The following SLC35D1 variants were observed in gnomAD, a reference collection of about 807,000 sequenced individuals.
SLC35D1 encodes solute carrier family 35 member D1.
A neutral mutation model predicts 46.7 loss-of-function variants in SLC35D1; 31 were observed. The ratio of observed to expected loss-of-function variants is 0.66; its 90% confidence interval spans 0.50 to 0.90. SLC35D1 has a LOEUF of 0.90. SLC35D1 is among the 40% of genes least tolerant of loss of function. The probability of loss-of-function intolerance (pLI) is 0.00; values close to 1 mark genes in which losing one functional copy is unlikely to be tolerated. For missense variants in SLC35D1, 397 were observed against 426.2 expected (o/e 0.93, Z 0.60); for synonymous variants, 195 against 164.6 (o/e 1.18, Z -1.41).
the SLC35D1 span, among the ~76,000 whole-genome samples, chr1:66,989,314 A>G: frequency 2.6e-5 from 4 of 152,360 alleles, no homozygotes; most frequent in East Asian, 1.9e-4. Context: ...CGTTGTTAAC[A>G]TGAATGGTTG....
At chr1:66,983,929 T>C in the SLC35D1 span, among the ~76,000 whole-genome samples, 1 of 152,230 alleles carries the variant, frequency 6.6e-6, no homozygotes, top group African/African-American at 2.4e-5. Context: ...TTTCACCCTA[T>C]TGGCCAGGCT....
chr1:67,007,250 G>A lies in SLC35D1; in HGVS notation c.959+1835C>T, dbSNP rs112347150. Reference sequence around the variant, plus strand: ...TTATTTCTCACAGTCCTAGAGGCTGGGGAGTCTAAGATCAAGGCAGGTTCA... The same window carrying A: ...TTATTTCTCACAGTCCTAGAGGCTGAGGAGTCTAAGATCAAGGCAGGTTCA... On this transcript the variant is annotated intron_variant, in intron 11 of 11. Transcript: ENST00000235345. 3.2e-3 allele frequency among the ~76,000 whole-genome samples: 490 copies of A among 152,290 alleles called. 6 individuals carry two copies. The highest frequency in any genetic ancestry group is 0.011 in the African/African-American group (464 of 41,528).
At chr1:66,986,219 G>T in the SLC35D1 span, 1 of 1,261,848 alleles carries the variant, frequency 7.9e-7, no homozygotes, top group Non-Finnish European at 1.0e-6. Context: ...GTGAAAATAA[G>T]ATACACAATA....
At chr1:67,016,281 TG>T (rs1667683972) in intron 10 of SLC35D1, among the ~76,000 whole-genome samples, 1 of 152,178 alleles carries the variant, frequency 6.6e-6, no homozygotes, top group African/African-American at 2.4e-5. Flanking sequence ...CTAAGACTTT[TG>T]TTTTCCATTG....
chr1:66,978,612 G>A, the SLC35D1 span, among the ~76,000 whole-genome samples: 1 of 152,054 alleles, frequency 6.6e-6, no homozygotes, highest in African/African-American at 2.4e-5. Flanking sequence ...GATTTTCAAG[G>A]TATTATATAG....
At chr1:67,031,986 A>G in intron 8 of SLC35D1, 2 of 848,628 alleles carry the variant, frequency 2.4e-6, no homozygotes, top group South Asian at 5.4e-5. Flanking sequence ...TTCTAGAGAA[A>G]GCTCTGATAA....
chr1:66,997,538 AACCCCTT>A (rs1667253491), downstream of SLC35D1, among the ~76,000 whole-genome samples: 2 of 135,306 alleles, frequency 1.5e-5, no homozygotes, highest in African/African-American at 5.3e-5. Flanking sequence ...ATATATATAT[AACCCCTT>A]TAGATATAGA....
intron 7 of SLC35D1, among the ~76,000 whole-genome samples, chr1:67,044,138 C>A (rs556865848): frequency 7.9e-5 from 12 of 152,160 alleles, no homozygotes; most frequent in Admixed American, 7.8e-4. Context: ...GAATTTGAGA[C>A]CAGCCTGGCC....
At chr1:66,984,856 G>A in the SLC35D1 span, 9 of 1,604,632 alleles carry the variant, frequency 5.6e-6, no homozygotes, top group African/African-American at 1.1e-4. Context: ...CCAAGAAGCA[G>A]TCTCACATGG....
intron 8 of SLC35D1, among the ~76,000 whole-genome samples, chr1:67,027,643 G>A (rs1320837890): frequency 6.6e-6 from 1 of 151,866 alleles, no homozygotes; most frequent in Non-Finnish European, 1.5e-5. Flanking sequence ...AAGCATTTAG[G>A]GATTTAATTT....
chr1:67,016,328 T>C (rs1667685423), intron 10 of SLC35D1, among the ~76,000 whole-genome samples: 1 of 152,140 alleles, frequency 6.6e-6, no homozygotes, highest in Non-Finnish European at 1.5e-5. Flanking sequence ...TCTCGAAATG[T>C]AGTTTACAAT....
chr1:67,041,342 G>A (rs1036487873), intron 8 of SLC35D1, among the ~76,000 whole-genome samples: 8 of 152,256 alleles, frequency 5.3e-5, no homozygotes, highest in Admixed American at 2.0e-4. Flanking sequence ...AGGTATGATG[G>A]GGGGTGGGAA....
chr1:66,981,637 C>T, the SLC35D1 span: 1 of 602,662 alleles, frequency 1.7e-6, no homozygotes, highest in East Asian at 2.9e-5. Context: ...ATATTCAGAT[C>T]CTGGTATGAT....
At chr1:66,976,590 T>C in the SLC35D1 span, 1 of 1,563,190 alleles carries the variant, frequency 6.4e-7, no homozygotes, top group Non-Finnish European at 8.6e-7. Context: ...ATTTGTTTCT[T>C]ACAGGTCCGA....
intron 8 of SLC35D1, among the ~76,000 whole-genome samples, chr1:67,027,669 T>C (rs1386674748): frequency 6.6e-6 from 1 of 152,232 alleles, no homozygotes; most frequent in African/African-American, 2.4e-5. Context: ...ATTAATTTTA[T>C]GGGTTTCCCT....
At chr1:66,984,140 T>TG in the SLC35D1 span, among the ~76,000 whole-genome samples, 2 of 152,270 alleles carry the variant, frequency 1.3e-5, no homozygotes, top group African/African-American at 4.8e-5. Context: ...GCATTCATCT[T>TG]GCTTTTACGT....
chr1:67,016,620 CTATT>C (rs978127796), intron 10 of SLC35D1, among the ~76,000 whole-genome samples: 3 of 151,904 alleles, frequency 2.0e-5, no homozygotes, highest in Admixed American at 6.6e-5. Context: ...TTCTTCTAAA[CTATT>C]TATAATTTAC....
intron 10 of SLC35D1, among the ~76,000 whole-genome samples, chr1:67,020,017 A>C (rs1667764446): frequency 6.6e-6 from 1 of 152,198 alleles, no homozygotes; most frequent in Non-Finnish European, 1.5e-5. Context: ...GCCAGACCTC[A>C]GTGAGGCAGA....
chr1:67,028,258 A>G (rs1558158264), intron 8 of SLC35D1, among the ~76,000 whole-genome samples: 1 of 152,174 alleles, frequency 6.6e-6, no homozygotes, highest in Non-Finnish European at 1.5e-5. Flanking sequence ...GGCCCAGAAT[A>G]TAGTTTATCT....
Sources: gnomAD v4.1 joint callset for allele counts (sites outside exome capture counted in the v4.1 genomes callset) on GRCh38, gnomAD v4.1.1 for gene constraint, MANE v1.5 for transcripts, NCBI Gene and HGNC (gene_info 2026-07-23, HGNC 2026-07-21) for gene names.